NCAPD3: variants seen among roughly 807,000 people sequenced by gnomAD.
The protein encoded by NCAPD3 is non-SMC condensin II complex subunit D3, also known as condensin-2 complex subunit D3.
Under a neutral mutation model 182.9 loss-of-function variants are expected in NCAPD3, and 105 were observed. That is an observed-to-expected ratio of 0.57 (90% CI 0.49 to 0.68). NCAPD3 has a LOEUF of 0.68. Among genes scored for constraint, NCAPD3 ranks in the 30% least tolerant of loss-of-function variants. The pLI is 0.00. For missense variants in NCAPD3, 1,944 were observed against 1,837.0 expected (o/e 1.06, Z -1.07); for synonymous variants, 815 against 679.9 (o/e 1.20, Z -3.09).
chr11:134,225,418 C>G, upstream of NCAPD3: 1 of 1,474,734 alleles, frequency 6.8e-7, no homozygotes, highest in African/African-American at 1.4e-5. Flanking sequence ...CAGGGCCCAG[C>G]TCCTCCGGCG....
At chr11:134,198,303 C>T (rs963265121) in intron 13 of NCAPD3, among the ~76,000 whole-genome samples, 7 of 152,204 alleles carry the variant, frequency 4.6e-5, no homozygotes, top group African/African-American at 1.4e-4. Context: ...GACATTCCTT[C>T]CTATTGAACC....
rs1178719574 is a variant in NCAPD3 at position 134,206,706 on chromosome 11, C to T, written c.909G>A (p.Met303Ile). The T allele has an allele frequency of 4.4e-6, 7 of 1,608,628 alleles. No homozygotes were observed. The highest frequency in any genetic ancestry group is 5.9e-6 in the Non-Finnish European group (7 of 1,178,080). The change falls in exon 8 of 35, where the codon ATG becomes ATA. Residue 303 changes from methionine (M) to isoleucine (I), a missense_variant. Physicochemically the swap from Met to Ile is conservative, Grantham distance 10. This residue lies in a region of NCAPD3 where 1,803 missense variants were observed against 1,674.6 expected (regional missense o/e 1.08). Transcript: ENST00000534548. ...CTTCTAACATTAATATTACACTGAG[C>T]ATTTGATGGAAAACACAACTGATGA... ...DKVISCVFHQ[M>I]LSVILMLEVG...
rs570756475 is a variant in NCAPD3 at position 134,203,837 on chromosome 11, T to C, written c.1285A>G (p.Asn429Asp). The C allele has an allele frequency of 6.2e-7, 1 of 1,614,178 alleles. No homozygotes were observed. Among genetic ancestry groups the C allele is most frequent in the African/African-American group, 1.3e-5 (1 of 75,038 alleles). ...TTCTGATGCTCCAAGGAGAGGGTGTTATCCACCTCTCTTTCAGGCAGTTCT... is the reference window on the plus strand; with the variant it reads ...TTCTGATGCTCCAAGGAGAGGGTGTCATCCACCTCTCTTTCAGGCAGTTCT... The part of the protein sequence containing the change: ...LLELPEREVD[N>D]TLSLEHQKFL... The change falls in exon 11 of 35, where the codon AAC becomes GAC. Residue 429 changes from asparagine (N) to aspartate (D), a missense_variant. This residue lies in a region of NCAPD3 where 1,803 missense variants were observed against 1,674.6 expected (regional missense o/e 1.08). Coordinates refer to ENST00000534548, the MANE Select transcript of NCAPD3 (RefSeq NM_015261.3).
chr11:134,168,266 C>T (rs1943917644), intron 26 of NCAPD3, 71 bp from the exon 27 acceptor site: 1 of 1,502,278 alleles, frequency 6.7e-7, no homozygotes, highest in Admixed American at 1.7e-5. Flanking sequence ...GGTGTAATTC[C>T]CACAACTGGG....
At chr11:134,208,536 T>C (rs1343805799) in intron 7 of NCAPD3, among the ~76,000 whole-genome samples, 1 of 152,246 alleles carries the variant, frequency 6.6e-6, no homozygotes, top group African/African-American at 2.4e-5. Flanking sequence ...TAGAAGTAAG[T>C]GTTCAGCAGC....
chr11:134,168,804 A>G, intron 25 of NCAPD3, 113 bp downstream of exon 25: 2 of 1,438,762 alleles, frequency 1.4e-6, no homozygotes, highest in Admixed American at 4.2e-5. Context: ...AGCCACAGTA[A>G]AGACCTGGGG....
chr11:134,153,921 C>A (rs932919411), intron 32 of NCAPD3: 5 of 160,516 alleles, frequency 3.1e-5, no homozygotes, highest in African/African-American at 1.2e-4. Context: ...CAGTCCACCT[C>A]CCCCCTCGCC....
At chr11:134,162,770 C>A (rs968688789) in intron 27 of NCAPD3, among the ~76,000 whole-genome samples, 1 of 152,224 alleles carries the variant, frequency 6.6e-6, no homozygotes, top group Admixed American at 6.5e-5. Flanking sequence ...AGCACCTTCT[C>A]TGTCCAGGCA....
At position 134,168,594 on chromosome 11, in the gene NCAPD3, C is replaced by T. The variant is rs768961143; in HGVS notation, c.3248G>A (p.Arg1083Gln). ...NKFPQSEREK[R>Q]LFSLKGKSNK... is the part of the protein sequence containing the mutation. ...TGACTTTCCCTTCAATGAAAACAGC[C>T]GCTTCTCTCTGTGGCAGAACGGGAC... is the stretch of plus-strand genomic sequence containing the variant. Residue 1083 changes from arginine (R) to glutamine (Q), a missense_variant, in exon 26 of 35, where the codon CGG becomes CAG. By Grantham distance (43) the Arg-to-Gln change is conservative (BLOSUM62 1). Transcript: ENST00000534548. 52 of 1,613,918 alleles carry T rather than the reference C, an allele frequency of 3.2e-5. No individual in the cohort carries two copies. Among genetic ancestry groups the T allele is most frequent in the East Asian group, 1.6e-4 (7 of 44,898 alleles).
At chr11:134,170,027 A>C (rs1591831947) in intron 24 of NCAPD3, among the ~76,000 whole-genome samples, 1 of 152,322 alleles carries the variant, frequency 6.6e-6, no homozygotes, top group East Asian at 1.9e-4. Flanking sequence ...TAGGAGACTG[A>C]CTTCTCCTTT....
intron 31 of NCAPD3, among the ~76,000 whole-genome samples, chr11:134,157,415 AG>A (rs1252111532): frequency 2.0e-5 from 3 of 152,222 alleles, no homozygotes; most frequent in African/African-American, 7.2e-5. Flanking sequence ...CATACATACA[AG>A]GCTATATGTA....
chr11:134,209,671 G>A (rs759879111), intron 4 of NCAPD3, 194 bp from the exon 5 acceptor site: 7 of 513,740 alleles, frequency 1.4e-5, no homozygotes, highest in African/African-American at 3.9e-5. Context: ...CTAGATGACC[G>A]CTACAGTAGT....
chr11:134,223,013 G>A (rs1385061991), intron 1 of NCAPD3: 1 of 189,806 alleles, frequency 5.3e-6, no homozygotes, highest in Non-Finnish European at 1.1e-5. Flanking sequence ...ATGCTATGGG[G>A]TAGAGCCAAG....
In NCAPD3 at chr11:134,194,740, T is replaced by C. The variant is rs755719486; in HGVS notation, c.1616-2A>G. 6.3e-7 allele frequency: 1 copy of C among 1,598,260 alleles called. No individual in the cohort carries two copies. Among genetic ancestry groups the C allele is most frequent in the Non-Finnish European group, 8.5e-7 (1 of 1,171,436 alleles). Reference sequence around the variant, plus strand: ...TCAGCATTGCCATGACACATCTTTCTGTAGAGGGAATACCAAAGGGTCATC... The same window carrying C: ...TCAGCATTGCCATGACACATCTTTCCGTAGAGGGAATACCAAAGGGTCATC... On this transcript the variant is annotated splice_acceptor_variant, in intron 13 of 34. Transcript: ENST00000534548. LOFTEE classifies it high-confidence loss of function.
chr11:134,207,452 T>TA (rs1197216033), intron 7 of NCAPD3, among the ~76,000 whole-genome samples: 4 of 150,820 alleles, frequency 2.7e-5, no homozygotes, highest in Admixed American at 6.6e-5. Context: ...CTTTCACAAT[T>TA]AAAAAAAAAT....
At chr11:134,223,619 C>A in intron 1 of NCAPD3, 1 of 659,016 alleles carries the variant, frequency 1.5e-6, no homozygotes, top group Non-Finnish European at 2.8e-6. Context: ...AACAGATGCA[C>A]AGGCGCTAGA....
intron 2 of NCAPD3, among the ~76,000 whole-genome samples, chr11:134,218,333 C>T (rs572557887): frequency 4.3e-4 from 66 of 152,260 alleles, no homozygotes; most frequent in African/African-American, 1.5e-3. Flanking sequence ...TGCTCCTCTG[C>T]AGACCCCGTC....
At position 134,162,924 on chromosome 11, in the gene NCAPD3, T is replaced by C. The variant is rs570770633; in HGVS notation, c.3574-1033A>G. Among the ~76,000 whole-genome samples, 4 of 151,920 alleles carry C rather than the reference T, an allele frequency of 2.6e-5. No individual in the cohort carries two copies. The East Asian group carries it at 7.7e-4, about 29-fold the overall frequency. Reference sequence around the variant, plus strand: ...GTATGGAGATGGGATGCCTAAGGAGTGCATGGCCATCTGATGGATGATCCT... The same window carrying C: ...GTATGGAGATGGGATGCCTAAGGAGCGCATGGCCATCTGATGGATGATCCT... On this transcript the variant is annotated intron_variant, in intron 27 of 34. Coordinates refer to ENST00000534548, the MANE Select transcript of NCAPD3 (RefSeq NM_015261.3).
Position 134,202,788 on chromosome 11 carries a change from TATCTGACAGTGATAAA to T in NCAPD3, c.1615+12_1615+27del. On this transcript the variant is annotated intron_variant, in intron 13 of 34. Coordinates refer to ENST00000534548, the MANE Select transcript of NCAPD3 (RefSeq NM_015261.3). Reference sequence around the variant, plus strand: ...TTGTCTGAAATCCAGCAGTATTACCTATCTGACAGTGATAAAATCTGACATACCTCCAGATCCAACT... The same window carrying T: ...TTGTCTGAAATCCAGCAGTATTACCTATCTGACATACCTCCAGATCCAACT... 1 of 1,491,398 alleles carries T rather than the reference TATCTGACAGTGATAAA, an allele frequency of 6.7e-7. No individual in the cohort carries two copies. The highest frequency in any genetic ancestry group is 9.2e-7 in the Non-Finnish European group (1 of 1,088,538). 92.4% of individuals were successfully genotyped at this position (1,491,398 alleles called of 1,614,324 possible). A position where few individuals can be genotyped will look rare whatever the true frequency, so the allele number is the denominator to read the frequency against.
Sources: allele counts gnomAD v4.1 joint callset (sites outside exome capture counted in the v4.1 genomes callset), GRCh38; gene constraint gnomAD v4.1.1; regional missense constraint gnomAD v4.1.1; transcripts MANE v1.5; gene names NCBI Gene and HGNC (gene_info 2026-07-23, HGNC 2026-07-21).